The following BMP5 variants were observed in gnomAD, a reference collection of about 807,000 sequenced individuals.
BMP5 encodes bone morphogenetic protein 5.
Under a neutral mutation model 46.6 loss-of-function variants are expected in BMP5, and 23 were observed. That is an observed-to-expected ratio of 0.49 (90% confidence interval 0.35 to 0.70). BMP5 has a LOEUF of 0.70. Ranked by LOEUF, BMP5 falls within the 30% of genes least tolerant of loss-of-function variation. The pLI is 0.00. For missense variants in BMP5, 545 were observed against 565.6 expected (o/e 0.96, Z 0.37); for synonymous variants, 204 against 191.9 (o/e 1.06, Z -0.52).
At chr6:55,859,851 A>C (rs1777488071) in intron 1 of BMP5, among the ~76,000 whole-genome samples, 1 of 152,248 alleles carries the variant, frequency 6.6e-6, no homozygotes, top group Admixed American at 6.5e-5. Flanking sequence ...TCCTCCTTGC[A>C]GAGATTCATA....
intron 1 of BMP5, among the ~76,000 whole-genome samples, chr6:55,837,522 T>G (rs1776845131): frequency 6.6e-6 from 1 of 152,138 alleles, no homozygotes; most frequent in Non-Finnish European, 1.5e-5. Context: ...TTTGAAGTTT[T>G]GTGGATACAT....
chr6:55,834,770 C>T (rs1776749230), intron 1 of BMP5, among the ~76,000 whole-genome samples: 1 of 151,856 alleles, frequency 6.6e-6, no homozygotes, highest in Non-Finnish European at 1.5e-5. Context: ...GCTTACATAC[C>T]AAACAAATAA....
intron 1 of BMP5, among the ~76,000 whole-genome samples, chr6:55,827,558 T>C (rs1776562397): frequency 6.6e-6 from 1 of 151,798 alleles, no homozygotes; most frequent in African/African-American, 2.4e-5. Flanking sequence ...TACAAATTTT[T>C]TTTAAGTCTT....
At chr6:55,866,659 C>T (rs1777646951) in intron 1 of BMP5, among the ~76,000 whole-genome samples, 1 of 152,120 alleles carries the variant, frequency 6.6e-6, no homozygotes, top group South Asian at 2.1e-4. Flanking sequence ...CAATTGCAGT[C>T]CGCAGTTCAT....
At chr6:55,802,703 T>C (rs1180296793) in intron 2 of BMP5, among the ~76,000 whole-genome samples, 1 of 152,024 alleles carries the variant, frequency 6.6e-6, no homozygotes, top group Non-Finnish European at 1.5e-5. Flanking sequence ...GAAATTAATA[T>C]ATTTATGTTT....
chr6:55,807,610 G>A (rs577605289), intron 2 of BMP5, among the ~76,000 whole-genome samples: 1 of 152,112 alleles, frequency 6.6e-6, no homozygotes, highest in Non-Finnish European at 1.5e-5. Flanking sequence ...CTTTTCAATT[G>A]TTTGAAATAG....
At chr6:55,814,182 CTAAT>C (rs1388706435) in intron 2 of BMP5, among the ~76,000 whole-genome samples, 1 of 151,878 alleles carries the variant, frequency 6.6e-6, no homozygotes, top group African/African-American at 2.4e-5. Context: ...TGTAATAAAA[CTAAT>C]TATTTATTAA....
At position 55,875,029 on chromosome 6, in the gene BMP5, C is replaced by T. The variant is rs1211704355; in HGVS notation, c.-164G>A. On this transcript the variant is annotated 5_prime_UTR_variant, in exon 1 of 7. Transcript: ENST00000370830. Reference sequence around the variant, plus strand: ...TGAGCACAACATCCTCACCGATTTTCCTGTCCTATTTTAAATATTTTGGAA... The same window carrying T: ...TGAGCACAACATCCTCACCGATTTTTCTGTCCTATTTTAAATATTTTGGAA... 7 of 747,068 alleles carry T rather than the reference C, an allele frequency of 9.4e-6. No individual in the cohort carries two copies. In the East Asian group the frequency reaches 1.3e-4, roughly 14 times the overall value. 46.3% of individuals were successfully genotyped at this position (747,068 alleles called of 1,614,324 possible). A position where few individuals can be genotyped will look rare whatever the true frequency, so the allele number is the denominator to read the frequency against.
At chr6:55,837,388 T>C (rs888929996) in intron 1 of BMP5, among the ~76,000 whole-genome samples, 4 of 145,462 alleles carry the variant, frequency 2.7e-5, no homozygotes, top group East Asian at 2.1e-4. Context: ...GACAGACAGA[T>C]AGAAGAGATA....
intron 2 of BMP5, among the ~76,000 whole-genome samples, chr6:55,806,381 A>G (rs1775988131): frequency 6.6e-6 from 1 of 152,130 alleles, no homozygotes; most frequent in Admixed American, 6.5e-5. Flanking sequence ...ATGGTTGTAG[A>G]TGTGTGGTGT....
In BMP5 at chr6:55,814,087, C is replaced by A. The variant is rs919609265; in HGVS notation, c.683+5568G>T. On this transcript the variant is annotated intron_variant, in intron 2 of 6. Coordinates refer to ENST00000370830, the MANE Select transcript of BMP5 (RefSeq NM_021073.4). ...TTCAGCTATTATTCACAGAAAGATT[C>A]AATGATATTGCTATTAAATTGGGTG... 2.0e-5 allele frequency among the ~76,000 whole-genome samples: 3 copies of A among 151,996 alleles called. No homozygotes were observed. The East Asian group carries it at 5.8e-4, about 29-fold the overall frequency.
At chr6:55,812,083 G>A (rs1672856233) in intron 2 of BMP5, among the ~76,000 whole-genome samples, 1 of 152,048 alleles carries the variant, frequency 6.6e-6, no homozygotes, top group South Asian at 2.1e-4. Context: ...TCAATCATGT[G>A]GAAACCTCCT....
At chr6:55,838,652 G>T (rs1269187400) in intron 1 of BMP5, among the ~76,000 whole-genome samples, 2 of 151,852 alleles carry the variant, frequency 1.3e-5, no homozygotes, top group Non-Finnish European at 2.9e-5. Context: ...AATTTGATGT[G>T]ATCCCAAACC....
intron 3 of BMP5, among the ~76,000 whole-genome samples, chr6:55,785,887 T>A (rs1370779319): frequency 1.3e-5 from 2 of 151,782 alleles, no homozygotes; most frequent in East Asian, 3.9e-4. Context: ...TTGAGTTTTA[T>A]GTTTTGCTAT....
At chr6:55,846,048 C>A (rs1299503125) in intron 1 of BMP5, among the ~76,000 whole-genome samples, 1 of 151,868 alleles carries the variant, frequency 6.6e-6, no homozygotes, top group Non-Finnish European at 1.5e-5. Flanking sequence ...TCTAATGAGT[C>A]CCTCATAGTG....
intron 2 of BMP5, among the ~76,000 whole-genome samples, chr6:55,797,229 G>C (rs760744241): frequency 3.9e-5 from 6 of 152,154 alleles, no homozygotes; most frequent in Admixed American, 3.9e-4. Context: ...TTATTTTGAA[G>C]TATAAAATTT....
At chr6:55,818,580 T>C (rs1257423276) in intron 2 of BMP5, among the ~76,000 whole-genome samples, 2 of 152,196 alleles carry the variant, frequency 1.3e-5, no homozygotes, top group East Asian at 1.9e-4. Context: ...TATTCTGATA[T>C]GCATTGTGAA....
chr6:55,804,378 C>T (rs1028487398), intron 2 of BMP5, among the ~76,000 whole-genome samples: 2 of 152,092 alleles, frequency 1.3e-5, no homozygotes, highest in Non-Finnish European at 2.9e-5. Context: ...AAGATGAAAA[C>T]GGGAAGGAAG....
At chr6:55,824,102 A>C (rs1055095852) in intron 1 of BMP5, among the ~76,000 whole-genome samples, 2 of 151,968 alleles carry the variant, frequency 1.3e-5, no homozygotes, top group Non-Finnish European at 2.9e-5. Flanking sequence ...AAAAGAACAA[A>C]CACACACATT....
Sources: gnomAD v4.1 joint callset for allele counts (sites outside exome capture counted in the v4.1 genomes callset) on GRCh38, gnomAD v4.1.1 for gene constraint, MANE v1.5 for transcripts, NCBI Gene and HGNC (gene_info 2026-07-23, HGNC 2026-07-21) for gene names.